The following CDC27 variants were observed in gnomAD, a reference collection of about 807,000 sequenced individuals.
The protein encoded by CDC27 is cell division cycle 27, also known as cell division cycle protein 27 homolog.
CDC27 carries 27 observed loss-of-function variants against 109.7 expected under a neutral mutation model. The observed-to-expected ratio is 0.25, with a 90% CI of 0.18 to 0.34. The LOEUF (loss-of-function observed/expected upper bound fraction) is 0.34, where lower values mean the gene tolerates loss of function less well. CDC27 is among the 10% of genes least tolerant of loss of function. CDC27 has a pLI of 1.00. For missense variants in CDC27, 579 were observed against 960.2 expected (o/e 0.60, Z 5.25); for synonymous variants, 266 against 333.9 (o/e 0.80, Z 2.22).
intron 14 of CDC27, among the ~76,000 whole-genome samples, chr17:47,132,740 G>GTTT (rs1236035580): frequency 1.1e-5 from 1 of 91,174 alleles, no homozygotes; most frequent in Non-Finnish European, 2.1e-5. Flanking sequence ...CATTAAAGCA[G>GTTT]TTTATTATTA....
At chr17:47,126,880 G>A (rs1181175949) in intron 16 of CDC27, among the ~76,000 whole-genome samples, 7 of 152,098 alleles carry the variant, frequency 4.6e-5, no homozygotes, top group South Asian at 2.1e-4. Context: ...AGCAACCTCC[G>A]CCTCATGGGT....
At chr17:47,121,618 A>T (rs2061984353) in intron 18 of CDC27, among the ~76,000 whole-genome samples, 1 of 152,030 alleles carries the variant, frequency 6.6e-6, no homozygotes, top group Non-Finnish European at 1.5e-5. Flanking sequence ...ACTTTTAAAA[A>T]TTTGTTTAGA....
intron 2 of CDC27, among the ~76,000 whole-genome samples, chr17:47,173,214 A>T (rs959391002): frequency 6.6e-6 from 1 of 152,204 alleles, no homozygotes; most frequent in African/African-American, 2.4e-5. Context: ...GTTTTTTGTC[A>T]CAGATATGTG....
rs373074410 is a variant in CDC27 at position 47,169,645 on chromosome 17, C to CAA, written c.377+270_377+271dup. On this transcript the variant is annotated intron_variant, in intron 4 of 18. Coordinates refer to ENST00000066544, the MANE Select transcript of CDC27 (RefSeq NM_001256.6). Reference sequence around the variant, plus strand: ...GGGTGACAAGAGTGAAACTCCATCTCAAAAAAAAAAAAAAAAAATAGAAAC... The same window carrying CAA: ...GGGTGACAAGAGTGAAACTCCATCTCAAAAAAAAAAAAAAAAAAAATAGAAAC... 3.9e-3 allele frequency among the ~76,000 whole-genome samples: 232 copies of CAA among 60,110 alleles called. 1 individual carries two copies. Among genetic ancestry groups the CAA allele is most frequent in the African/African-American group, 8.7e-3 (165 of 18,908 alleles). The allele number at this position is 60,110 out of a possible 152,430, so 39.4% of individuals were successfully genotyped here.
intron 16 of CDC27, among the ~76,000 whole-genome samples, chr17:47,128,133 T>G (rs751647028): frequency 3.9e-5 from 6 of 151,944 alleles, no homozygotes; most frequent in Non-Finnish European, 7.4e-5. Flanking sequence ...TGGGTTCAAG[T>G]GATTCTCGTG....
chr17:47,158,144 A>G, intron 5 of CDC27, 62 bp downstream of exon 5: 1 of 612,702 alleles, frequency 1.6e-6, no homozygotes, highest in South Asian at 3.3e-5. Context: ...CCAAAAATTA[A>G]GTAGCAGGAA....
rs564101977 is a variant in CDC27 at position 47,165,985 on chromosome 17, T to C, written c.377+3932A>G. Among the ~76,000 whole-genome samples, 326 of 152,330 alleles carry C rather than the reference T, an allele frequency of 2.1e-3. 4 individuals carry two copies. Among genetic ancestry groups the C allele is most frequent in the African/African-American group, 7.3e-3 (305 of 41,580 alleles). ...CAAGATCCTGTTTTTAATTATTTTGTGTATGTTCCCACAAGTGGAATTACT... is the reference window on the plus strand; with the variant it reads ...CAAGATCCTGTTTTTAATTATTTTGCGTATGTTCCCACAAGTGGAATTACT... On this transcript the variant is annotated intron_variant, in intron 4 of 18. Transcript: ENST00000066544.
At position 47,142,373 on chromosome 17, in the gene CDC27, T is replaced by A; in HGVS notation, c.1234A>T (p.Lys412Ter). The part of the protein sequence containing the change: ...PKIPNRKTKS[K>*]TNKGGITQPN... ...TGAGTTATTCCTCCTTTATTAGTTT[T>A]ACTTTTTGTTTTTCTGTTTGGGATT... The change falls in exon 11 of 19, where the codon AAA (lysine) becomes TAA (stop). Residue 412 changes from lysine (K) to a stop codon, truncating the protein, a stop_gained. Transcript: ENST00000066544. LOFTEE classifies it high-confidence loss of function. 1 of 1,522,644 alleles carries A rather than the reference T, an allele frequency of 6.6e-7. No homozygotes were observed. The highest frequency in any genetic ancestry group is 9.0e-7 in the Non-Finnish European group (1 of 1,110,358). 94.3% of individuals were successfully genotyped at this position (1,522,644 alleles called of 1,614,324 possible).
At chr17:47,121,589 C>T (rs538383199) in intron 18 of CDC27, among the ~76,000 whole-genome samples, 6 of 152,100 alleles carry the variant, frequency 3.9e-5, no homozygotes, top group South Asian at 2.1e-4. Context: ...ACTATAGACA[C>T]GTACCACCAC....
Position 47,156,903 on chromosome 17 carries a change from T to G in CDC27, c.842+10A>C. On this transcript the variant is annotated intron_variant, in intron 7 of 18. Coordinates refer to ENST00000066544, the MANE Select transcript of CDC27 (RefSeq NM_001256.6). ...TTATAGCACATTTGAAAGTATCTTG[T>G]TTGACTTACCTTGGGGTTAATGGAC... 1 of 1,055,394 alleles carries G rather than the reference T, an allele frequency of 9.5e-7. No individual in the cohort carries two copies. The highest frequency in any genetic ancestry group is 1.4e-6 in the Non-Finnish European group (1 of 723,952). The allele number at this position is 1,055,394 out of a possible 1,614,324, so 65.4% of individuals were successfully genotyped here.
rs376451975 is a variant in CDC27 at position 47,155,756 on chromosome 17, G to C, written c.843-970C>G. Among the ~76,000 whole-genome samples, 20 of 152,224 alleles carry C rather than the reference G, an allele frequency of 1.3e-4. No individual in the cohort carries two copies. The South Asian group carries it at 4.1e-3, about 32-fold the overall frequency. On this transcript the variant is annotated intron_variant, in intron 7 of 18. Coordinates refer to ENST00000066544, the MANE Select transcript of CDC27 (RefSeq NM_001256.6). ...ACTAGAGGCCAGGAGTTCCAGATCA[G>C]CTTGGGCAACACAGCAAGACCCCAT... is the stretch of plus-strand genomic sequence containing the variant.
At chr17:47,172,372 C>T (rs1294754856) in intron 2 of CDC27, among the ~76,000 whole-genome samples, 2 of 151,984 alleles carry the variant, frequency 1.3e-5, no homozygotes, top group African/African-American at 2.4e-5. Context: ...TTTAAACAGA[C>T]TACCAGTAAA....
intron 8 of CDC27, among the ~76,000 whole-genome samples, chr17:47,154,273 C>T (rs2063233535): frequency 6.6e-6 from 1 of 151,116 alleles, no homozygotes; most frequent in Non-Finnish European, 1.5e-5. Context: ...ATTAAAAAAA[C>T]ATATATACAC....
In CDC27 at chr17:47,125,568, T is replaced by TC. The variant is rs562603775; in HGVS notation, c.2161-1609dup. ...GCCTTTAAAGAAATCTTTTTTTTTT[T>TC]CCCTGAGATGGAGTTTTGCTCTGTC... is the stretch of plus-strand genomic sequence containing the variant. On this transcript the variant is annotated intron_variant, in intron 16 of 18. Coordinates refer to ENST00000066544, the MANE Select transcript of CDC27 (RefSeq NM_001256.6). Among the ~76,000 whole-genome samples, 291 of 147,946 alleles carry TC rather than the reference T, an allele frequency of 2.0e-3. 1 individual carries two copies. The highest frequency in any genetic ancestry group is 5.5e-3 in the African/African-American group (218 of 39,826).
intron 16 of CDC27, 125 bp downstream of exon 16, chr17:47,129,268 A>T (rs1342268396): frequency 6.6e-6 from 5 of 752,686 alleles, no homozygotes; most frequent in Non-Finnish European, 1.1e-5. Flanking sequence ...CAAAAAATGA[A>T]ATTAACAGCT....
intron 4 of CDC27, among the ~76,000 whole-genome samples, chr17:47,166,435 C>A (rs2063649623): frequency 6.6e-6 from 1 of 152,090 alleles, no homozygotes; most frequent in South Asian, 2.1e-4. Context: ...TTTCACTGTC[C>A]TCAGGGTAGG....
At chr17:47,129,618 G>C in intron 15 of CDC27, 97 bp from the exon 16 acceptor site, 1 of 789,478 alleles carries the variant, frequency 1.3e-6, no homozygotes, top group South Asian at 2.0e-5. Flanking sequence ...CAAATTATTA[G>C]AGATAAGGTT....
At chr17:47,176,112 G>A (rs1266859258) in intron 2 of CDC27, among the ~76,000 whole-genome samples, 1 of 152,048 alleles carries the variant, frequency 6.6e-6, no homozygotes, top group Non-Finnish European at 1.5e-5. Flanking sequence ...GGCTGTATGT[G>A]CTATTATTTT....
At chr17:47,183,565 C>T (rs1960160607) in intron 1 of CDC27, among the ~76,000 whole-genome samples, 1 of 152,102 alleles carries the variant, frequency 6.6e-6, no homozygotes, top group South Asian at 2.1e-4. Context: ...TTTACCATTC[C>T]TATCTAGATA....
Sources: allele counts gnomAD v4.1 joint callset (sites outside exome capture counted in the v4.1 genomes callset), GRCh38; gene constraint gnomAD v4.1.1; transcripts MANE v1.5; gene names NCBI Gene and HGNC (gene_info 2026-07-23, HGNC 2026-07-21).